The following HTR3E variants were observed in gnomAD, a reference collection of about 807,000 sequenced individuals.
The protein encoded by HTR3E is 5-hydroxytryptamine (serotonin) receptor 3, family member E.
Under a neutral mutation model 38.0 loss-of-function variants are expected in HTR3E, and 38 were observed. The ratio of observed to expected loss-of-function variants is 1.00; its 90% CI spans 0.77 to 1.31. The LOEUF (loss-of-function observed/expected upper bound fraction) is 1.31, where lower values mean the gene tolerates loss of function less well. HTR3E is among the 50% of genes most tolerant of loss of function. The probability of loss-of-function intolerance (pLI) is 0.00; values close to 1 mark genes in which losing one functional copy is unlikely to be tolerated. For synonymous variants in HTR3E, 210 were observed against 232.9 expected (o/e 0.90, Z 0.89); for missense variants, 547 against 585.2 (o/e 0.93, Z 0.67).
intron 2 of HTR3E, among the ~76,000 whole-genome samples, chr3:184,101,149 G>A (rs1712016914): frequency 6.6e-6 from 1 of 152,090 alleles, no homozygotes; most frequent in African/African-American, 2.4e-5. Flanking sequence ...TCACCATGTT[G>A]GCCAAGCTGG....
At chr3:184,105,576 A>G (rs961512295) in intron 6 of HTR3E, 149 bp downstream of exon 6, 32 of 1,059,890 alleles carry the variant, frequency 3.0e-5, no homozygotes, top group Non-Finnish European at 4.2e-5. Flanking sequence ...CCTAAAGCTC[A>G]GGGCTCTGGC....
At chr3:184,104,516 G>A (rs1241789619) in intron 4 of HTR3E, 3 of 567,648 alleles carry the variant, frequency 5.3e-6, no homozygotes, top group Non-Finnish European at 8.4e-6. Flanking sequence ...GACCAGCCTG[G>A]GCAACATGGT....
chr3:184,099,737 A>AG (rs1278061965), intron 1 of HTR3E, among the ~76,000 whole-genome samples: 7 of 148,356 alleles, frequency 4.7e-5, no homozygotes, highest in East Asian at 2.0e-4. Context: ...AAAAAAAAAA[A>AG]AAAGAAAGAA....
intron 3 of HTR3E, among the ~76,000 whole-genome samples, chr3:184,102,129 CAT>C (rs963739332): frequency 2.0e-5 from 3 of 152,138 alleles, no homozygotes; most frequent in East Asian, 1.9e-4. Context: ...TTGTCACACA[CAT>C]AGAGTATTCT....
At chr3:184,099,320 G>A (rs190368863) in intron 1 of HTR3E, among the ~76,000 whole-genome samples, 12 of 150,888 alleles carry the variant, frequency 8.0e-5, no homozygotes, top group African/African-American at 1.7e-4. Flanking sequence ...GATCCCCTAA[G>A]CCCAGAGGCT....
At chr3:184,098,962 G>A (rs991063717) in intron 1 of HTR3E, among the ~76,000 whole-genome samples, 30 of 151,974 alleles carry the variant, frequency 2.0e-4, no homozygotes, top group African/African-American at 6.5e-4. Context: ...AGAATCGGTT[G>A]AACCTGGGAG....
chr3:184,103,586 G>A (rs1407424984), intron 3 of HTR3E, among the ~76,000 whole-genome samples: 16 of 141,882 alleles, frequency 1.1e-4, no homozygotes, highest in Admixed American at 3.8e-4. Context: ...CCAAGATCGC[G>A]CCACTGCACT....
chr3:184,097,302 G>T lies in HTR3E; in HGVS notation c.-228G>T. On this transcript the variant is annotated 5_prime_UTR_variant, in exon 1 of 9. Coordinates refer to ENST00000415389, the MANE Select transcript of HTR3E (RefSeq NM_001256613.2). ...GTATGAACTATCTATAACCATTTAC[G>T]TTGCAGTGAAATACCTAAGACTAAG... 1 of 500,094 alleles carries T rather than the reference G, an allele frequency of 2.0e-6. No individual in the cohort carries two copies. The highest frequency in any genetic ancestry group is 3.6e-6 in the Non-Finnish European group (1 of 278,112). 31.0% of individuals were successfully genotyped at this position (500,094 alleles called of 1,614,324 possible).
At position 184,106,240 on chromosome 3, in the gene HTR3E, G is replaced by A. The variant is rs1712445095; in HGVS notation, c.1038G>A (p.Trp346Ter). The change falls in exon 8 of 9, where the codon TGG (tryptophan) becomes TGA (stop). Residue 346 changes from tryptophan (W) to a stop codon, truncating the protein, a stop_gained. Coordinates refer to ENST00000415389, the MANE Select transcript of HTR3E (RefSeq NM_001256613.2). LOFTEE classifies it high-confidence loss of function. The surrounding 1 kb of genome is among the most constrained non-coding windows in gnomAD (Gnocchi z 4.1). Reference protein sequence around the residue: ...ATTQPPPLPRWLHSLLLHCNS... With the variant: ...ATTQPPPLPR Reference sequence around the variant, plus strand: ...CCCAGCCCCCACCCCTGCCTCGGTGGCTCCACTCCCTGCTGCTCCACTGCA... The same window carrying A: ...CCCAGCCCCCACCCCTGCCTCGGTGACTCCACTCCCTGCTGCTCCACTGCA... 2 of 1,612,854 alleles carry A rather than the reference G, an allele frequency of 1.2e-6. No homozygotes were observed. The highest frequency in any genetic ancestry group is 4.5e-5 in the East Asian group (2 of 44,868).
Position 184,106,204 on chromosome 3 carries a change from C to T in HTR3E, c.1002C>T (p.His334=), listed in dbSNP as rs142079638. Residue 334 remains histidine (H), a synonymous_variant, in exon 8 of 9, where the codon CAC becomes CAT. Transcript: ENST00000415389. The surrounding 1 kb of genome is among the most constrained non-coding windows in gnomAD (Gnocchi z 4.1). ...CCATCTTCATCACCCACCTGCTGCA[C>T]GTGGCCACCACCCAGCCCCCACCCC... The part of the protein sequence containing the change: ...LETIFITHLL[H]VATTQPPPLP... 441 of 1,612,768 alleles carry T rather than the reference C, an allele frequency of 2.7e-4. No individual in the cohort carries two copies. The highest frequency in any genetic ancestry group is 8.5e-4 in the Admixed American group (51 of 60,000).
intron 1 of HTR3E, among the ~76,000 whole-genome samples, chr3:184,099,406 C>G (rs1205223607): frequency 6.6e-6 from 1 of 151,872 alleles, no homozygotes; most frequent in African/African-American, 2.4e-5. Context: ...CCCCCAAAAA[C>G]CCCAAACTAA....
intron 2 of HTR3E, among the ~76,000 whole-genome samples, chr3:184,101,114 T>G (rs1044522701): frequency 6.6e-6 from 1 of 152,108 alleles, no homozygotes; most frequent in Non-Finnish European, 1.5e-5. Flanking sequence ...TGGCTAATTT[T>G]TGTACTTTTA....
At chr3:184,103,834 A>G (rs534285258) in intron 3 of HTR3E, among the ~76,000 whole-genome samples, 13 of 152,008 alleles carry the variant, frequency 8.6e-5, no homozygotes, top group South Asian at 6.2e-4. Flanking sequence ...GAAAAAAGAA[A>G]AAAAGAAAAG....
intron 1 of HTR3E, among the ~76,000 whole-genome samples, chr3:184,098,396 T>G (rs895109000): frequency 3.3e-5 from 5 of 152,330 alleles, no homozygotes; most frequent in Non-Finnish European, 5.9e-5. Context: ...TGCCAATAAC[T>G]GTCATCTCTC....
In HTR3E at chr3:184,104,356, C is replaced by T. The variant is rs533365467; in HGVS notation, c.389+65C>T. ...TGGTAGCCACAGAGATCACAGTTTA[C>T]CATTGGGGCCACTGTAAGTGGTCTT... is the stretch of plus-strand genomic sequence containing the variant. On this transcript the variant is annotated intron_variant, in intron 4 of 8. Transcript: ENST00000415389. 10 of 1,551,482 alleles carry T rather than the reference C, an allele frequency of 6.4e-6. No individual in the cohort carries two copies. The East Asian group carries it at 1.2e-4, about 19-fold the overall frequency.
chr3:184,100,421 C>A, intron 1 of HTR3E, 64 bp from the exon 2 acceptor site: 6 of 1,613,194 alleles, frequency 3.7e-6, no homozygotes, highest in Non-Finnish European at 4.2e-6. Flanking sequence ...TGCCTTGGGG[C>A]CCCTCTCATA....
At chr3:184,098,829 A>G (rs1711802745) in intron 1 of HTR3E, among the ~76,000 whole-genome samples, 1 of 151,982 alleles carries the variant, frequency 6.6e-6, no homozygotes, top group African/African-American at 2.4e-5. Context: ...GGATCACCTG[A>G]GGTCAAGAGT....
Position 184,106,624 on chromosome 3 carries a change from G to A in HTR3E, c.1302G>A (p.Met434Ile). 1 of 1,614,222 alleles carries A rather than the reference G, an allele frequency of 6.2e-7. No homozygotes were observed. Among genetic ancestry groups the A allele is most frequent in the East Asian group, 2.2e-5 (1 of 44,878 alleles). Residue 434 changes from methionine to isoleucine, a missense_variant, in exon 9 of 9, where the codon ATG (methionine) becomes ATA (isoleucine). Physicochemically the swap from Met to Ile is conservative, Grantham distance 10. Transcript: ENST00000415389. This position sits in a 1 kb window ranked among gnomAD's most constrained non-coding sequence, Gnocchi z 4.1. ...AGTTCAGCCACGCGATGGACGCCAT[G>A]CTCTTCCGCCTCTACCTGCTCTTCA... The part of the protein sequence containing the change: ...WLQFSHAMDA[M>I]LFRLYLLFMA...
In HTR3E at chr3:184,106,937, G is replaced by C; in HGVS notation, c.*244G>C. On this transcript the variant is annotated 3_prime_UTR_variant, in exon 9 of 9. Coordinates refer to ENST00000415389, the MANE Select transcript of HTR3E (RefSeq NM_001256613.2). This position sits in a 1 kb window ranked among gnomAD's most constrained non-coding sequence, Gnocchi z 4.1. Reference sequence around the variant, plus strand: ...GTTCTAGGTCCCTCTTACGTCATCTGCATAGCAGACTATACCTCTTCTGTC... The same window carrying C: ...GTTCTAGGTCCCTCTTACGTCATCTCCATAGCAGACTATACCTCTTCTGTC... 1 of 530,870 alleles carries C rather than the reference G, an allele frequency of 1.9e-6. No homozygotes were observed. The highest frequency in any genetic ancestry group is 3.4e-6 in the Non-Finnish European group (1 of 298,504). The allele number at this position is 530,870 out of a possible 1,614,324, so 32.9% of individuals were successfully genotyped here.
Sources: gnomAD v4.1 joint callset for allele counts (sites outside exome capture counted in the v4.1 genomes callset) on GRCh38, gnomAD v4.1.1 for gene constraint, Gnocchi (gnomAD v3.1) non-coding constraint, MANE v1.5 for transcripts, NCBI Gene and HGNC (gene_info 2026-07-23, HGNC 2026-07-21) for gene names.